The following SUMF1 variants were observed in gnomAD, a reference collection of about 807,000 sequenced individuals.
SUMF1 encodes the protein formylglycine-generating enzyme.
SUMF1 carries 48 observed loss-of-function variants against 47.6 expected under a neutral mutation model. The observed-to-expected ratio is 1.01, with a 90% CI of 0.80 to 1.28. The LOEUF is 1.28. Ranked by LOEUF, SUMF1 falls within the 50% of genes most tolerant of loss-of-function variation. The pLI, the probability that SUMF1 is intolerant of heterozygous loss-of-function variation, is 0.00. For synonymous variants in SUMF1, 230 were observed against 192.1 expected (o/e 1.20, Z -1.63); for missense variants, 571 against 485.4 (o/e 1.18, Z -1.66).
At position 4,045,937 on chromosome 3, in the gene SUMF1, G is replaced by T. The variant is rs543041333; in HGVS notation, c.1191+22632C>A. 6.6e-5 allele frequency among the ~76,000 whole-genome samples: 10 copies of T among 152,274 alleles called. No individual in the cohort carries two copies. In the East Asian group the frequency reaches 1.9e-3, roughly 29 times the overall value. On this transcript the variant is annotated intron_variant and NMD_transcript_variant, in intron 9 of 12. Coordinates refer to the SUMF1 transcript ENST00000448413. Reference sequence around the variant, plus strand: ...ACACTGGCTTATGCCTATAATTCCAGTGACTCAGAAGGCTGAGGCAAGAGG... The same window carrying T: ...ACACTGGCTTATGCCTATAATTCCATTGACTCAGAAGGCTGAGGCAAGAGG...
chr3:4,428,813 T>C (rs946889416), intron 3 of SUMF1, among the ~76,000 whole-genome samples: 1 of 152,264 alleles, frequency 6.6e-6, no homozygotes, highest in Admixed American at 6.5e-5. Context: ...ATTACTTATA[T>C]TCATCATTCC....
chr3:4,158,223 T>C (rs1289001154), intron 8 of SUMF1, among the ~76,000 whole-genome samples: 1 of 151,678 alleles, frequency 6.6e-6, no homozygotes, highest in Middle Eastern at 3.2e-3. Flanking sequence ...TAAGTTACAA[T>C]GGAGATATAA....
chr3:4,350,257 C>T lies in SUMF1; in HGVS notation c.1014+26073G>A, dbSNP rs75503500. Reference sequence around the variant, plus strand: ...CAGGGTGTTTTCAAACTCCTGACCTCGTGATCTGCCCACCTTGGCCTCCCA... The same window carrying T: ...CAGGGTGTTTTCAAACTCCTGACCTTGTGATCTGCCCACCTTGGCCTCCCA... On this transcript the variant is annotated intron_variant and NMD_transcript_variant, in intron 8 of 12. Transcript: ENST00000448413. Among the ~76,000 whole-genome samples, 489 of 151,968 alleles carry T rather than the reference C, an allele frequency of 3.2e-3. 8 individuals are homozygous for T. In the East Asian group the frequency reaches 0.036, roughly 11 times the overall value.
At chr3:4,333,248 G>A (rs530559853) in intron 8 of SUMF1, among the ~76,000 whole-genome samples, 1 of 152,302 alleles carries the variant, frequency 6.6e-6, no homozygotes, top group Admixed American at 6.5e-5. Context: ...AGATGGCAAG[G>A]CTAAAAGAGC....
chr3:4,228,097 TGG>T (rs1417659095), intron 8 of SUMF1, among the ~76,000 whole-genome samples: 1 of 151,912 alleles, frequency 6.6e-6, no homozygotes, highest in East Asian at 1.9e-4. Context: ...ACCAGTGTGG[TGG>T]GAGAGGAGGG....
intron 8 of SUMF1, among the ~76,000 whole-genome samples, chr3:4,201,506 T>C (rs1695539381): frequency 6.6e-6 from 1 of 152,114 alleles, no homozygotes; most frequent in Non-Finnish European, 1.5e-5. Context: ...TAGTACTCCA[T>C]TGTATGTATG....
intron 8 of SUMF1, among the ~76,000 whole-genome samples, chr3:4,206,411 C>T (rs920050550): frequency 4.6e-5 from 7 of 152,206 alleles, no homozygotes; most frequent in African/African-American, 1.7e-4. Flanking sequence ...GGACCATTCC[C>T]CTCCAGTGAG....
intron 9 of SUMF1, among the ~76,000 whole-genome samples, chr3:4,059,622 T>C (rs1196568567): frequency 1.3e-5 from 2 of 152,144 alleles, no homozygotes; most frequent in Non-Finnish European, 2.9e-5. Flanking sequence ...TCTGTGACTA[T>C]GTTACTGTTA....
At chr3:4,303,612 CAGTCG>C (rs1698045371) in intron 8 of SUMF1, 9 of 1,377,460 alleles carry the variant, frequency 6.5e-6, no homozygotes, top group Non-Finnish European at 8.4e-6. Context: ...GACGGCCTCC[CAGTCG>C]CGACCTTTTG....
At chr3:4,294,618 T>C (rs1013877282) in intron 8 of SUMF1, among the ~76,000 whole-genome samples, 2 of 152,090 alleles carry the variant, frequency 1.3e-5, no homozygotes, top group Non-Finnish European at 2.9e-5. Context: ...AAATGTTAAT[T>C]TGGTGTGTCT....
intron 1 of SUMF1, among the ~76,000 whole-genome samples, chr3:4,460,747 G>A (rs964641330): frequency 2.6e-5 from 4 of 151,652 alleles, no homozygotes; most frequent in African/African-American, 9.7e-5. Context: ...ACCCTTGATC[G>A]TCTGGTCTCA....
rs141347834 is a variant in SUMF1 at position 4,070,375 on chromosome 3, T to C, written c.1015-1630A>G. ...AATATTATACAGTGTTTGACTCTTT[T>C]CATCAACAAACGGAGTAAGAGGACA... On this transcript the variant is annotated intron_variant and NMD_transcript_variant, in intron 8 of 12. Transcript: ENST00000448413. Among the ~76,000 whole-genome samples the C allele has an allele frequency of 2.1e-3, 320 of 152,240 alleles. 5 individuals are homozygous for C. Among genetic ancestry groups the C allele is most frequent in the African/African-American group, 7.5e-3 (313 of 41,544 alleles).
At chr3:4,390,746 C>A (rs1042726309) in intron 7 of SUMF1, among the ~76,000 whole-genome samples, 2 of 152,062 alleles carry the variant, frequency 1.3e-5, no homozygotes, top group African/African-American at 4.8e-5. Flanking sequence ...TGATACCTGG[C>A]TAATTTTTGT....
chr3:4,151,857 C>T (rs1037861614), intron 8 of SUMF1, among the ~76,000 whole-genome samples: 35 of 151,460 alleles, frequency 2.3e-4, no homozygotes, highest in African/African-American at 7.8e-4. Context: ...GGGACAGGTA[C>T]GACAACTCCA....
intron 8 of SUMF1, among the ~76,000 whole-genome samples, chr3:4,207,400 T>A (rs1441253931): frequency 6.6e-6 from 1 of 152,180 alleles, no homozygotes; most frequent in Non-Finnish European, 1.5e-5. Context: ...CATTTTTGTA[T>A]CCTTTCAAAT....
At chr3:4,121,158 T>C (rs1693531836) in intron 8 of SUMF1, among the ~76,000 whole-genome samples, 1 of 151,310 alleles carries the variant, frequency 6.6e-6, no homozygotes, top group Non-Finnish European at 1.5e-5. Context: ...ATTCAGGAAA[T>C]TTGACTTGAC....
At chr3:4,288,605 C>T (rs12637381) in intron 8 of SUMF1, among the ~76,000 whole-genome samples, 50,477 of 151,892 alleles carry the variant, frequency 0.33, 9,342 homozygotes, top group Non-Finnish European at 0.43. Context: ...TGAGACCAGC[C>T]TGACCAACAT....
rs867258945 is a variant in SUMF1 at position 4,080,234 on chromosome 3, G to A, written c.1015-11489C>T. ...CCATTTGCTTTGATCTCAAACTTAA[G>A]TTTTTTATGAATGAAGGCTACAGCT... On this transcript the variant is annotated intron_variant and NMD_transcript_variant, in intron 8 of 12. Coordinates refer to the SUMF1 transcript ENST00000448413. Among the ~76,000 whole-genome samples, 6 of 152,202 alleles carry A rather than the reference G, an allele frequency of 3.9e-5. No homozygotes were observed. The South Asian group carries it at 1.0e-3, about 26-fold the overall frequency.
chr3:4,466,823 A>G (rs1228681690), intron 1 of SUMF1, among the ~76,000 whole-genome samples, 153 bp downstream of exon 1: 1 of 152,198 alleles, frequency 6.6e-6, no homozygotes, highest in Non-Finnish European at 1.5e-5. Flanking sequence ...TGAGGCACGG[A>G]GAAGGAACTC....
Sources: allele counts gnomAD v4.1 joint callset (sites outside exome capture counted in the v4.1 genomes callset), GRCh38; gene constraint gnomAD v4.1.1; transcripts MANE v1.5; gene names NCBI Gene and HGNC (gene_info 2026-07-23, HGNC 2026-07-21).